Variants in MLF1 observed in about 807,000 individuals in gnomAD.
MLF1 encodes the protein myeloid leukemia factor 1.
Under a neutral mutation model 38.3 loss-of-function variants are expected in MLF1, and 37 were observed. The observed-to-expected ratio is 0.96, with a 90% confidence interval of 0.74 to 1.27. The LOEUF is 1.27. Among genes scored for constraint, MLF1 ranks in the 50% most tolerant of loss-of-function variants. The pLI is 0.00. For synonymous variants in MLF1, 95 were observed against 106.5 expected (o/e 0.89, Z 0.66); for missense variants, 331 against 349.2 (o/e 0.95, Z 0.42).
At chr3:158,605,064 A>C (rs771973467) in intron 7 of MLF1, 33 bp from the exon 8 acceptor site, 2 of 1,475,108 alleles carry the variant, frequency 1.4e-6, no homozygotes, top group Non-Finnish European at 1.9e-6. Flanking sequence ...CCATTTTTTA[A>C]ATGATATTAA....
At chr3:158,577,272 G>A (rs1486829970) in intron 1 of MLF1, among the ~76,000 whole-genome samples, 1 of 152,130 alleles carries the variant, frequency 6.6e-6, no homozygotes, top group African/African-American at 2.4e-5. Context: ...TTTATTGATG[G>A]AAAACATTCT....
rs377192781 is a variant in MLF1 at position 158,578,642 on chromosome 3, A to G, written c.47+7295A>G. Among the ~76,000 whole-genome samples the G allele has an allele frequency of 5.3e-5, 8 of 152,232 alleles. 1 individual carries two copies. Among genetic ancestry groups the G allele is most frequent in the East Asian group, 3.9e-4 (2 of 5,186 alleles). ...CAATTTATTTTTCCTGCCTTGTGAT[A>G]TATGCTGAAGGTAAATAATATAGAA... On this transcript the variant is annotated intron_variant, in intron 1 of 7. Transcript: ENST00000466246.
At chr3:158,588,432 T>C (rs1274249258) in intron 1 of MLF1, among the ~76,000 whole-genome samples, 1 of 151,962 alleles carries the variant, frequency 6.6e-6, no homozygotes, top group Non-Finnish European at 1.5e-5. Context: ...TGAAACCCCG[T>C]CTCTACTAAG....
intron 1 of MLF1, among the ~76,000 whole-genome samples, chr3:158,580,364 T>G (rs1290371976): frequency 6.6e-6 from 1 of 151,788 alleles, no homozygotes; most frequent in Non-Finnish European, 1.5e-5. Flanking sequence ...TTTGAATTAC[T>G]AATTTTAAAG....
At chr3:158,583,391 C>T (rs953025527) in intron 1 of MLF1, among the ~76,000 whole-genome samples, 1 of 151,978 alleles carries the variant, frequency 6.6e-6, no homozygotes, top group Non-Finnish European at 1.5e-5. Context: ...AGACTTCCAG[C>T]CTCCAGAACT....
intron 1 of MLF1, among the ~76,000 whole-genome samples, chr3:158,582,227 A>T (rs1017499539): frequency 2.6e-5 from 4 of 152,024 alleles, no homozygotes; most frequent in Non-Finnish European, 5.9e-5. Context: ...TTATCAGTGG[A>T]CTATGAACAG....
Position 158,593,272 on chromosome 3 carries a change from C to G in MLF1, c.196-110C>G, listed in dbSNP as rs187926722. ...CAGGGGTTTCTATAAAGATGAATCT[C>G]AGCAATTGAAATGTAGCAATTTGAA... is the stretch of plus-strand genomic sequence containing the variant. On this transcript the variant is annotated intron_variant, in intron 2 of 7. Transcript: ENST00000466246. The G allele has an allele frequency of 3.9e-6, 3 of 771,750 alleles. No homozygotes were observed. In the East Asian group the frequency reaches 9.0e-5, roughly 23 times the overall value. The allele number at this position is 771,750 out of a possible 1,614,324, so 47.8% of individuals were successfully genotyped here. A position where few individuals can be genotyped will look rare whatever the true frequency, so the allele number is the denominator to read the frequency against.
At chr3:158,572,679 GGGGGCATGAGGTGTGGGGAAGAGGGTTTA>G (rs1714700724) in intron 1 of MLF1, among the ~76,000 whole-genome samples, 3 of 131,170 alleles carry the variant, frequency 2.3e-5, no homozygotes, top group African/African-American at 8.9e-5. Flanking sequence ...AGGAGGGTTT[GGGGGCATGAGGTGTGGGGAAGAGGGTTTA>G]GGGGCATGAG....
chr3:158,598,145 A>G lies in MLF1; in HGVS notation c.390A>G (p.Lys130=), dbSNP rs1719167766. 1.2e-6 allele frequency: 2 copies of G among 1,613,992 alleles called. No individual in the cohort carries two copies. The highest frequency in any genetic ancestry group is 1.7e-6 in the Non-Finnish European group (2 of 1,179,910). The change falls in exon 5 of 8, where the codon AAA becomes AAG. Residue 130 remains lysine (K), a synonymous_variant. Coordinates refer to ENST00000466246, the MANE Select transcript of MLF1 (RefSeq NM_001369783.1). Reference sequence around the variant, plus strand: ...CTTCCTCAGTTATGACTTATTCCAAAATAGGAGATGAACCGCCAAAGGTTT... The same window carrying G: ...CTTCCTCAGTTATGACTTATTCCAAGATAGGAGATGAACCGCCAAAGGTTT... The part of the protein sequence containing the change: ...FCSSSVMTYS[K]IGDEPPKVFQ...
At chr3:158,591,153 A>C (rs577826068) in intron 1 of MLF1, 1 of 490,734 alleles carries the variant, frequency 2.0e-6, no homozygotes, top group Non-Finnish European at 4.0e-6. Flanking sequence ...GTTGCAAGGA[A>C]AATTTCTTTT....
chr3:158,574,523 A>C (rs113619132), intron 1 of MLF1, among the ~76,000 whole-genome samples: 51 of 115,740 alleles, frequency 4.4e-4, no homozygotes, highest in Admixed American at 1.8e-3. Context: ...AAAAAAAAAA[A>C]AAAATACAAA....
intron 5 of MLF1, 122 bp downstream of exon 5, chr3:158,598,330 GTGGGGGT>G: frequency 1.2e-6 from 1 of 865,984 alleles, no homozygotes; most frequent in South Asian, 1.9e-5. Context: ...GGAGGGAGGT[GTGGGGGT>G]TGGGGGTAAG....
intron 3 of MLF1, 94 bp from the exon 4 acceptor site, chr3:158,596,768 A>G (rs977871953): frequency 4.3e-6 from 3 of 695,522 alleles, no homozygotes; most frequent in Non-Finnish European, 7.1e-6. Flanking sequence ...CACTAAATGA[A>G]TTGGAAAAAA....
In MLF1 at chr3:158,600,058, A is replaced by G; in HGVS notation, c.498A>G (p.Leu166=). ...RKAMRDSDSG[L]EKMAIGHHIH... is the part of the protein sequence containing the mutation. The stretch of plus-strand genomic sequence containing the variant: ...CAATGAGAGATTCTGACAGTGGACT[A>G]GAAAAAATGGCTATTGGTCATCATA... Residue 166 remains leucine (L), a synonymous_variant, in exon 6 of 8, where the codon CTA becomes CTG. Coordinates refer to ENST00000466246, the MANE Select transcript of MLF1 (RefSeq NM_001369783.1). 1 of 1,455,242 alleles carries G rather than the reference A, an allele frequency of 6.9e-7. No homozygotes were observed. The highest frequency in any genetic ancestry group is 1.7e-5 in the South Asian group (1 of 57,696). The allele number at this position is 1,455,242 out of a possible 1,614,324, so 90.1% of individuals were successfully genotyped here.
chr3:158,596,255 C>CAT, intron 3 of MLF1, among the ~76,000 whole-genome samples: 1 of 152,230 alleles, frequency 6.6e-6, no homozygotes, highest in South Asian at 2.1e-4. Context: ...TCTGAAGACA[C>CAT]ATACCTCATG....
At chr3:158,592,697 A>T in intron 2 of MLF1, 116 bp downstream of exon 2, 3 of 825,560 alleles carry the variant, frequency 3.6e-6, no homozygotes, top group Non-Finnish European at 5.3e-6. Context: ...TGTTCTAGAA[A>T]TCACTATTAT....
Position 158,579,424 on chromosome 3 carries a change from C to T in MLF1, c.47+8077C>T, listed in dbSNP as rs1177446421. On this transcript the variant is annotated intron_variant, in intron 1 of 7. Coordinates refer to ENST00000466246, the MANE Select transcript of MLF1 (RefSeq NM_001369783.1). ...CAGCCAGATTTCTTCCTGAATGGTTCAGACAGTTGCAAACACCAGACTATA... is the reference window on the plus strand; with the variant it reads ...CAGCCAGATTTCTTCCTGAATGGTTTAGACAGTTGCAAACACCAGACTATA... Among the ~76,000 whole-genome samples the T allele has an allele frequency of 3.3e-5, 5 of 152,172 alleles. No individual in the cohort carries two copies. The East Asian group carries it at 9.6e-4, about 29-fold the overall frequency.
intron 5 of MLF1, among the ~76,000 whole-genome samples, chr3:158,599,016 C>A (rs1214317852): frequency 6.6e-6 from 1 of 151,792 alleles, no homozygotes; most frequent in African/African-American, 2.4e-5. Context: ...TCTTTAACTT[C>A]TATGTAGTAT....
Position 158,601,840 on chromosome 3 carries a change from G to A in MLF1, c.614-967G>A, listed in dbSNP as rs574840483. 3.5e-3 allele frequency among the ~76,000 whole-genome samples: 400 copies of A among 114,308 alleles called. 2 individuals are homozygous for A. Among genetic ancestry groups the A allele is most frequent in the African/African-American group, 0.013 (373 of 28,714 alleles). The allele number at this position is 114,308 out of a possible 152,430, so 75.0% of individuals were successfully genotyped here. On this transcript the variant is annotated intron_variant, in intron 6 of 7. Transcript: ENST00000466246. The stretch of plus-strand genomic sequence containing the variant: ...TTTTTTTTTTTTGAGACGGAGTCTC[G>A]CTCTGTTGTCCAGGCTGGAGTGCAG...
Sources: allele counts gnomAD v4.1 joint callset (sites outside exome capture counted in the v4.1 genomes callset), GRCh38; gene constraint gnomAD v4.1.1; transcripts MANE v1.5; gene names NCBI Gene and HGNC (gene_info 2026-07-23, HGNC 2026-07-21).